RNF20: variants seen among roughly 807,000 people sequenced by gnomAD.
RNF20 encodes the protein E3 ubiquitin-protein ligase BRE1A.
A neutral mutation model predicts 126.2 loss-of-function variants in RNF20; 84 were observed. That is an observed-to-expected ratio of 0.67 (90% CI 0.56 to 0.80). The LOEUF is 0.80. Ranked by LOEUF, RNF20 falls within the 30% of genes least tolerant of loss-of-function variation. The probability of loss-of-function intolerance (pLI) is 0.00; values close to 1 mark genes in which losing one functional copy is unlikely to be tolerated. For missense variants in RNF20, 869 were observed against 1,188.2 expected (o/e 0.73, Z 3.95); for synonymous variants, 400 against 414.3 (o/e 0.97, Z 0.42).
intron 15 of RNF20, among the ~76,000 whole-genome samples, chr9:101,556,617 G>A (rs906226622): frequency 1.5e-4 from 23 of 152,106 alleles, no homozygotes; most frequent in African/African-American, 5.3e-4. Flanking sequence ...TTTATAATTT[G>A]GAGTGGAGAC....
chr9:101,553,928 C>T lies in RNF20; in HGVS notation c.1902-60C>T, dbSNP rs201334411. ...ATTCTGCTCAATCAAAATTCCCTTG[C>T]TCTGATGACCTTTATTTTCTTATTA... is the stretch of plus-strand genomic sequence containing the variant. On this transcript the variant is annotated intron_variant, in intron 13 of 19. Transcript: ENST00000389120. 450 of 911,824 alleles carry T rather than the reference C, an allele frequency of 4.9e-4. 3 individuals carry two copies. The highest frequency in any genetic ancestry group is 3.8e-3 in the Middle Eastern group (17 of 4,444). 56.5% of individuals were successfully genotyped at this position (911,824 alleles called of 1,614,324 possible).
At chr9:101,543,562 C>T (rs1054519202) in intron 5 of RNF20, among the ~76,000 whole-genome samples, 5 of 149,292 alleles carry the variant, frequency 3.3e-5, no homozygotes, top group South Asian at 4.3e-4. Flanking sequence ...CCTGCCAGGG[C>T]GGCACTGTCT....
At chr9:101,560,648 G>T in intron 16 of RNF20, 153 bp from the exon 17 acceptor site, 1 of 546,942 alleles carries the variant, frequency 1.8e-6, no homozygotes. Flanking sequence ...AGTTATCATA[G>T]TCTTGATGTA....
intron 5 of RNF20, 23 bp from the exon 6 acceptor site, chr9:101,544,744 A>T: frequency 6.8e-7 from 1 of 1,473,410 alleles, no homozygotes; most frequent in Non-Finnish European, 9.5e-7. Flanking sequence ...ATGCTAAATT[A>T]AAGTATAGTT....
chr9:101,556,812 A>C (rs144588797), intron 15 of RNF20, among the ~76,000 whole-genome samples: 2 of 152,194 alleles, frequency 1.3e-5, no homozygotes, highest in African/African-American at 4.8e-5. Flanking sequence ...TACAAAAAAA[A>C]CTCTCCAAAA....
chr9:101,551,582 C>T (rs571071752), intron 10 of RNF20, 102 bp from the exon 11 acceptor site: 13 of 533,330 alleles, frequency 2.4e-5, no homozygotes, highest in Middle Eastern at 7.7e-4. Flanking sequence ...GGTTTCATTA[C>T]GTATAGATTG....
intron 5 of RNF20, 29 bp downstream of exon 5, chr9:101,541,004 A>G (rs756764813): frequency 1.3e-6 from 2 of 1,573,226 alleles, no homozygotes; most frequent in East Asian, 2.2e-5. Context: ...GGCCGGGAGT[A>G]GTGGAGGAGG....
chr9:101,544,664 G>T (rs183773612), intron 5 of RNF20, 103 bp from the exon 6 acceptor site: 12 of 726,694 alleles, frequency 1.7e-5, no homozygotes, highest in Non-Finnish European at 2.8e-5. Context: ...CCGAGATCGC[G>T]CCACTGTACT....
chr9:101,551,587 A>G (rs1827446093), intron 10 of RNF20, 97 bp from the exon 11 acceptor site: 1 of 573,968 alleles, frequency 1.7e-6, no homozygotes, highest in Non-Finnish European at 2.5e-6. Context: ...CATTACGTAT[A>G]GATTGAACTG....
intron 9 of RNF20, 119 bp downstream of exon 9, chr9:101,547,637 C>A: frequency 8.5e-7 from 1 of 1,173,736 alleles, no homozygotes; most frequent in Non-Finnish European, 1.2e-6. Flanking sequence ...CAAAATCCAA[C>A]ATCCTTTTAT....
Position 101,540,266 on chromosome 9 carries a change from C to T in RNF20, c.193C>T (p.Arg65Trp), listed in dbSNP as rs781318132. ...CAAGCTGGCAGAAATGTTGGATCAGCGGCAGGCCATTGAAGATGAACTTCG... is the reference window on the plus strand; with the variant it reads ...CAAGCTGGCAGAAATGTTGGATCAGTGGCAGGCCATTGAAGATGAACTTCG... ...NRKLAEMLDQ[R>W]QAIEDELREH... The change falls in exon 3 of 20, where the codon CGG (arginine) becomes TGG (tryptophan). Residue 65 changes from arginine (R) to tryptophan (W), a missense_variant. Physicochemically the swap from Arg to Trp is moderately radical, Grantham distance 101. Around this residue, in one of 8 missense-constraint regions of RNF20, gnomAD observed 157 missense variants for 236.0 expected, o/e 0.67. Transcript: ENST00000389120. 3.7e-6 allele frequency: 6 copies of T among 1,614,128 alleles called. No homozygotes were observed. The highest frequency in any genetic ancestry group is 1.7e-5 in the Admixed American group (1 of 60,010).
chr9:101,552,176 A>G lies in RNF20; in HGVS notation c.1444A>G (p.Ser482Gly). The change falls in exon 12 of 20, where the codon AGC (serine) becomes GGC (glycine). Residue 482 changes from serine (S) to glycine (G), a missense_variant. By Grantham distance (56) the Ser-to-Gly change is moderately conservative (BLOSUM62 0). Transcript: ENST00000389120. The stretch of plus-strand genomic sequence containing the variant: ...CAGGGAGATGCGCCACCTCATCAGT[A>G]GCCTCCAGAATCACAATCACCAGCT... Reference protein sequence around the residue: ...INREMRHLISSLQNHNHQLKG... With the variant: ...INREMRHLISGLQNHNHQLKG... 1 of 1,614,148 alleles carries G rather than the reference A, an allele frequency of 6.2e-7. No individual in the cohort carries two copies. Among genetic ancestry groups the G allele is most frequent in the South Asian group, 1.1e-5 (1 of 91,080 alleles).
In RNF20 at chr9:101,540,550, C is replaced by G. The variant is rs764268452; in HGVS notation, c.358C>G (p.Leu120Val). 1.2e-6 allele frequency: 2 copies of G among 1,613,882 alleles called. No individual in the cohort carries two copies. Among genetic ancestry groups the G allele is most frequent in the South Asian group, 1.1e-5 (1 of 91,056 alleles). Residue 120 changes from leucine to valine, a missense_variant, in exon 4 of 20, where the codon CTA (leucine) becomes GTA (valine). By Grantham distance (32) the Leu-to-Val change is conservative. Around this residue, in one of 8 missense-constraint regions of RNF20, gnomAD observed 157 missense variants for 236.0 expected, o/e 0.67. Transcript: ENST00000389120. ...RYDLEQGLGDLLTERKALVVP... is the reference protein window; with the variant it reads ...RYDLEQGLGDVLTERKALVVP... ...TGATCTGGAGCAGGGCTTGGGAGAC[C>G]TACTCACAGAACGAAAAGCCCTTGT...
intron 18 of RNF20, chr9:101,561,601 G>A (rs1358585105): frequency 2.6e-5 from 11 of 428,940 alleles, no homozygotes; most frequent in Middle Eastern, 6.7e-4. Context: ...ATTTTAAACC[G>A]TTCTACCTTC....
At chr9:101,538,387 C>T (rs569071097) in intron 2 of RNF20, among the ~76,000 whole-genome samples, 26 of 152,144 alleles carry the variant, frequency 1.7e-4, no homozygotes, top group South Asian at 4.1e-4. Flanking sequence ...TGTGAGGAAA[C>T]GACGTGGGCA....
At chr9:101,541,369 AT>A (rs1827258287) in intron 5 of RNF20, among the ~76,000 whole-genome samples, 3 of 152,310 alleles carry the variant, frequency 2.0e-5, no homozygotes, top group African/African-American at 7.2e-5. Context: ...TGCCTGGACT[AT>A]ATATTTTAAT....
At chr9:101,551,616 C>A in intron 10 of RNF20, 68 bp from the exon 11 acceptor site, 3 of 1,111,020 alleles carry the variant, frequency 2.7e-6, no homozygotes, top group Admixed American at 2.6e-5. Flanking sequence ...CAGAGTAATC[C>A]ATAGAATATG....
At position 101,557,561 on chromosome 9, in the gene RNF20, G is replaced by T; in HGVS notation, c.2347G>T (p.Glu783Ter). The T allele has an allele frequency of 6.2e-7, 1 of 1,613,960 alleles. No homozygotes were observed. Among genetic ancestry groups the T allele is most frequent in the Non-Finnish European group, 8.5e-7 (1 of 1,179,870 alleles). ...TAAGTTGCTTAAAGAAGAGAAGGAG[G>T]AGCTGGCAGACCAGGTGTTGACTCT... ...IHKLLKEEKEELADQVLTLKT... is the reference protein window; with the variant it reads ...IHKLLKEEKE The change falls in exon 16 of 20, where the codon GAG (glutamate) becomes TAG (stop). Residue 783 changes from glutamate to a stop codon, truncating the protein, a stop_gained. Coordinates refer to ENST00000389120, the MANE Select transcript of RNF20 (RefSeq NM_019592.7). LOFTEE classifies it high-confidence loss of function.
At chr9:101,552,819 T>A in intron 13 of RNF20, 66 bp downstream of exon 13, 1 of 1,443,320 alleles carries the variant, frequency 6.9e-7, no homozygotes, top group Non-Finnish European at 9.4e-7. Context: ...ATGCATGAAA[T>A]GTTTGGTTGA....
Sources: allele counts gnomAD v4.1 joint callset (sites outside exome capture counted in the v4.1 genomes callset), GRCh38; gene constraint gnomAD v4.1.1; regional missense constraint gnomAD v4.1.1; transcripts MANE v1.5; gene names NCBI Gene and HGNC (gene_info 2026-07-23, HGNC 2026-07-21).